Variants in ARHGAP12 observed in about 807,000 individuals in gnomAD.
The protein encoded by ARHGAP12 is rho GTPase-activating protein 12.
Under a neutral mutation model 108.6 loss-of-function variants are expected in ARHGAP12, and 64 were observed. The ratio of observed to expected loss-of-function variants is 0.59; its 90% CI spans 0.48 to 0.73. The LOEUF is 0.73. Ranked by LOEUF, ARHGAP12 falls within the 30% of genes least tolerant of loss-of-function variation. The pLI, the probability that ARHGAP12 is intolerant of heterozygous loss-of-function variation, is 0.00. For synonymous variants in ARHGAP12, 312 were observed against 337.2 expected (o/e 0.93, Z 0.82); for missense variants, 940 against 1,005.9 (o/e 0.93, Z 0.89).
At chr10:31,840,335 T>C (rs192994434) in intron 7 of ARHGAP12, among the ~76,000 whole-genome samples, 1 of 150,484 alleles carries the variant, frequency 6.6e-6, no homozygotes, top group Admixed American at 6.7e-5. Context: ...AAGAGTATCA[T>C]AAGACCAAAC....
At chr10:31,913,660 AGGCTG>A (rs1839442638) in intron 1 of ARHGAP12, 1 of 153,960 alleles carries the variant, frequency 6.5e-6, no homozygotes, top group Admixed American at 6.6e-5. Context: ...CGAGTCATCA[AGGCTG>A]AAAAAAAAAG....
At chr10:31,887,938 T>A (rs893199263) in intron 3 of ARHGAP12, among the ~76,000 whole-genome samples, 1 of 152,136 alleles carries the variant, frequency 6.6e-6, no homozygotes, top group Admixed American at 6.6e-5. Flanking sequence ...ATTACAGGCG[T>A]GAGTCACCGC....
chr10:31,858,248 A>G (rs1189661454), intron 4 of ARHGAP12, among the ~76,000 whole-genome samples: 5 of 152,308 alleles, frequency 3.3e-5, no homozygotes, highest in Non-Finnish European at 7.4e-5. Context: ...AGAAAATGTG[A>G]GAAAAGAAGG....
At chr10:31,852,244 TTG>T (rs1836710075) in intron 6 of ARHGAP12, among the ~76,000 whole-genome samples, 3 of 152,184 alleles carry the variant, frequency 2.0e-5, no homozygotes, top group Non-Finnish European at 4.4e-5. Context: ...ATTATTGGTA[TTG>T]AAGAGAATTC....
At chr10:31,853,997 A>G in intron 5 of ARHGAP12, 69 bp downstream of exon 5, 1 of 1,439,196 alleles carries the variant, frequency 6.9e-7, no homozygotes, top group Non-Finnish European at 9.3e-7. Flanking sequence ...AAATACTAAA[A>G]CTGCAGTACA....
intron 3 of ARHGAP12, among the ~76,000 whole-genome samples, chr10:31,866,359 A>G (rs1012382933): frequency 6.6e-6 from 1 of 152,230 alleles, no homozygotes; most frequent in African/African-American, 2.4e-5. Flanking sequence ...AAAAGCGAGT[A>G]AAATACAGAA....
At chr10:31,866,135 A>G (rs772046717) in intron 3 of ARHGAP12, among the ~76,000 whole-genome samples, 4 of 152,220 alleles carry the variant, frequency 2.6e-5, no homozygotes, top group Admixed American at 2.0e-4. Context: ...ATGGAGGCAG[A>G]AAGGAAAGTT....
chr10:31,863,128 C>G (rs1837193280), intron 3 of ARHGAP12, among the ~76,000 whole-genome samples: 1 of 152,154 alleles, frequency 6.6e-6, no homozygotes, highest in Non-Finnish European at 1.5e-5. Flanking sequence ...TATACATGTA[C>G]TATATTCAAT....
chr10:31,918,519 A>G (rs1839659273), intron 1 of ARHGAP12, among the ~76,000 whole-genome samples: 1 of 152,156 alleles, frequency 6.6e-6, no homozygotes, highest in Non-Finnish European at 1.5e-5. Flanking sequence ...CCTGAGTAAC[A>G]TAACGAGGCC....
At chr10:31,856,528 T>C (rs1013525274) in intron 4 of ARHGAP12, among the ~76,000 whole-genome samples, 1 of 152,100 alleles carries the variant, frequency 6.6e-6, no homozygotes. Flanking sequence ...TTGGGGAAAA[T>C]AAGGGGACTT....
At chr10:31,821,505 A>G (rs557200405) in intron 11 of ARHGAP12, among the ~76,000 whole-genome samples, 4 of 152,334 alleles carry the variant, frequency 2.6e-5, no homozygotes, top group African/African-American at 9.6e-5. Context: ...TATTTCCTAC[A>G]GAGAATTTCA....
intron 18 of ARHGAP12, 42 bp downstream of exon 18, chr10:31,808,952 T>C (rs1834918073): frequency 2.0e-6 from 3 of 1,525,642 alleles, no homozygotes; most frequent in Non-Finnish European, 2.7e-6. Flanking sequence ...GTGCAAAGAA[T>C]TTTCAATATC....
intron 10 of ARHGAP12, among the ~76,000 whole-genome samples, chr10:31,830,822 T>TA: frequency 6.6e-6 from 1 of 152,174 alleles, no homozygotes; most frequent in African/African-American, 2.4e-5. Context: ...TGTAACCTAT[T>TA]AAAAAGGAAT....
At chr10:31,829,711 T>C (rs368055664) in intron 10 of ARHGAP12, among the ~76,000 whole-genome samples, 5 of 152,328 alleles carry the variant, frequency 3.3e-5, no homozygotes, top group African/African-American at 1.2e-4. Flanking sequence ...TGGGCAAAGA[T>C]TCACTCAGGT....
At chr10:31,858,311 CTAAAAA>C (rs1003878287) in intron 4 of ARHGAP12, among the ~76,000 whole-genome samples, 1 of 152,116 alleles carries the variant, frequency 6.6e-6, no homozygotes, top group African/African-American at 2.4e-5. Context: ...AACAAAGGGG[CTAAAAA>C]TTGAAATACA....
At chr10:31,918,359 AC>A (rs1434839081) in intron 1 of ARHGAP12, among the ~76,000 whole-genome samples, 4 of 140,444 alleles carry the variant, frequency 2.8e-5, no homozygotes, top group South Asian at 4.6e-4. Context: ...ACACACACAC[AC>A]CAATGAGATA....
intron 3 of ARHGAP12, among the ~76,000 whole-genome samples, chr10:31,887,952 C>T (rs1195428679): frequency 3.9e-5 from 6 of 152,112 alleles, no homozygotes; most frequent in African/African-American, 7.2e-5. Flanking sequence ...TCACCGCGCC[C>T]GGCCTGCCCT....
intron 6 of ARHGAP12, among the ~76,000 whole-genome samples, chr10:31,851,286 A>G (rs182531124): frequency 1.3e-5 from 2 of 152,338 alleles, no homozygotes; most frequent in Admixed American, 1.3e-4. Flanking sequence ...ACAGAAAGTA[A>G]GAACCTACGT....
intron 11 of ARHGAP12, among the ~76,000 whole-genome samples, chr10:31,820,873 T>A (rs960836835): frequency 1.3e-5 from 2 of 151,810 alleles, no homozygotes; most frequent in Admixed American, 1.3e-4. Flanking sequence ...AAAAGAAAAA[T>A]TGGTAATGCT....
Sources: gnomAD v4.1 joint callset for allele counts (sites outside exome capture counted in the v4.1 genomes callset) on GRCh38, gnomAD v4.1.1 for gene constraint, MANE v1.5 for transcripts, NCBI Gene and HGNC (gene_info 2026-07-23, HGNC 2026-07-21) for gene names.